KIRREL1: variants seen among roughly 807,000 people sequenced by gnomAD.
KIRREL1 encodes kirre like nephrin family adhesion molecule 1.
KIRREL1 carries 25 observed loss-of-function variants against 83.3 expected under a neutral mutation model. The observed-to-expected ratio is 0.30, with a 90% CI of 0.22 to 0.42. The LOEUF is 0.42. KIRREL1 is among the 10% of genes least tolerant of loss of function. The pLI is 1.00. For synonymous variants in KIRREL1, 388 were observed against 410.4 expected, an observed-to-expected ratio of 0.95 and a Z score of 0.66; for missense variants, 812 against 1,032.3, an observed-to-expected ratio of 0.79 and a Z score of 2.92.
Position 158,089,818 on chromosome 1 carries a change from A to G in KIRREL1, c.1272A>G (p.Ile424Met). ...GGAGCACACCACCCCCAGACCGCATAGTGAGTGGCGGACCTGCCTGCGGAC... is the reference window on the plus strand; with the variant it reads ...GGAGCACACCACCCCCAGACCGCATGGTGAGTGGCGGACCTGCCTGCGGAC... ...FIGSTPPPDRIAWAWKENFLE... is the reference protein window; with the variant it reads ...FIGSTPPPDRMAWAWKENFLE... Residue 424 changes from isoleucine to methionine, a missense_variant and splice_region_variant, in exon 10 of 15, where the codon ATA (isoleucine) becomes ATG (methionine). By Grantham distance (10) the Ile-to-Met change is conservative. Transcript: ENST00000359209. 6 of 1,613,826 alleles carry G rather than the reference A, an allele frequency of 3.7e-6. No homozygotes were observed. Among genetic ancestry groups the G allele is most frequent in the Non-Finnish European group, 4.2e-6 (5 of 1,179,810 alleles).
In KIRREL1 at chr1:158,084,455, CTG is replaced by C; in HGVS notation, c.389_390del (p.Val130AspfsTer58). On this transcript the variant is annotated frameshift_variant, in exon 4 of 15. Transcript: ENST00000359209. LOFTEE classifies it high-confidence loss of function. ...GAGGACACCAGGATTGACGGAGGCC[CTG>C]TGATTCTACTGCAGGCAGGCACCCC... is the stretch of plus-strand genomic sequence containing the variant. 1 of 1,551,826 alleles carries C rather than the reference CTG, an allele frequency of 6.4e-7. No individual in the cohort carries two copies. Among genetic ancestry groups the C allele is most frequent in the Non-Finnish European group, 8.7e-7 (1 of 1,147,014 alleles).
chr1:158,040,528 ACT>A (rs1410123638), intron 1 of KIRREL1, among the ~76,000 whole-genome samples: 1 of 152,240 alleles, frequency 6.6e-6, no homozygotes, highest in Non-Finnish European at 1.5e-5. Flanking sequence ...CATAGTCAGC[ACT>A]CTATAAATAT....
rs1041804544 is a variant in KIRREL1 at position 158,096,076 on chromosome 1, C to T, written c.*956C>T. The T allele has an allele frequency of 1.3e-5, 2 of 154,468 alleles. No individual in the cohort carries two copies. The highest frequency in any genetic ancestry group is 4.8e-5 in the African/African-American group (2 of 41,448). 9.6% of individuals were successfully genotyped at this position (154,468 alleles called of 1,614,324 possible). A position where few individuals can be genotyped will look rare whatever the true frequency, so the allele number is the denominator to read the frequency against. ...AGAAAACAAAAAACAATGAAAACCTCATTTGGGAAGAAAAGCTGTAGGGAT... is the reference window on the plus strand; with the variant it reads ...AGAAAACAAAAAACAATGAAAACCTTATTTGGGAAGAAAAGCTGTAGGGAT... On this transcript the variant is annotated 3_prime_UTR_variant, in exon 15 of 15. Transcript: ENST00000359209.
intron 1 of KIRREL1, among the ~76,000 whole-genome samples, chr1:158,054,594 C>A (rs1661001519): frequency 6.6e-6 from 1 of 152,120 alleles, no homozygotes; most frequent in South Asian, 2.1e-4. Flanking sequence ...TTCTGTCCAA[C>A]CATTCACTTT....
At chr1:158,059,901 T>C (rs1661164302) in intron 1 of KIRREL1, among the ~76,000 whole-genome samples, 1 of 152,132 alleles carries the variant, frequency 6.6e-6, no homozygotes, top group Non-Finnish European at 1.5e-5. Flanking sequence ...TAGGTATGGA[T>C]TGGAATTAGT....
chr1:158,017,444 C>A (rs1335476145), intron 1 of KIRREL1, among the ~76,000 whole-genome samples: 1 of 152,008 alleles, frequency 6.6e-6, no homozygotes, highest in Non-Finnish European at 1.5e-5. Flanking sequence ...TTAATCCCAG[C>A]ACTTTGGGAA....
At chr1:158,043,807 G>A (rs903505394) in intron 1 of KIRREL1, among the ~76,000 whole-genome samples, 6 of 152,180 alleles carry the variant, frequency 3.9e-5, no homozygotes, top group Non-Finnish European at 8.8e-5. Context: ...GCAGGGAGCC[G>A]TGAACAGCAG....
intron 1 of KIRREL1, among the ~76,000 whole-genome samples, chr1:158,016,704 C>T (rs956846134): frequency 3.3e-5 from 5 of 152,214 alleles, no homozygotes; most frequent in African/African-American, 1.2e-4. Flanking sequence ...AGGGAATCAG[C>T]CTGCCTGGGA....
intron 1 of KIRREL1, among the ~76,000 whole-genome samples, chr1:158,003,361 C>T (rs1197587748): frequency 6.6e-6 from 1 of 152,180 alleles, no homozygotes; most frequent in Non-Finnish European, 1.5e-5. Flanking sequence ...TTGAAGTTTT[C>T]ATCTCTACTC....
chr1:157,996,016 A>G (rs2101613250), intron 1 of KIRREL1, among the ~76,000 whole-genome samples: 1 of 143,286 alleles, frequency 7.0e-6, no homozygotes, highest in Middle Eastern at 3.6e-3. Context: ...TAGGTCAGGG[A>G]CTGGGGCAGT....
At chr1:158,058,717 G>C (rs1049464711) in intron 1 of KIRREL1, among the ~76,000 whole-genome samples, 16 of 152,156 alleles carry the variant, frequency 1.1e-4, no homozygotes, top group African/African-American at 3.9e-4. Context: ...CTTGGTTAGG[G>C]AGACATCTCT....
intron 1 of KIRREL1, among the ~76,000 whole-genome samples, chr1:158,029,690 G>A (rs1009941777): frequency 2.0e-5 from 3 of 152,180 alleles, no homozygotes; most frequent in Non-Finnish European, 2.9e-5. Flanking sequence ...TGAAATCAGA[G>A]AGATACGAAC....
At chr1:158,092,975 A>G (rs964011602) in intron 11 of KIRREL1, among the ~76,000 whole-genome samples, 3 of 152,104 alleles carry the variant, frequency 2.0e-5, no homozygotes, top group African/African-American at 7.2e-5. Context: ...GAGAGTTTGG[A>G]GACAGCTGAC....
At chr1:158,009,644 T>C (rs1355438051) in intron 1 of KIRREL1, among the ~76,000 whole-genome samples, 1 of 152,230 alleles carries the variant, frequency 6.6e-6, no homozygotes, top group Non-Finnish European at 1.5e-5. Flanking sequence ...GGGTGTGCTA[T>C]TGAGAAAAGT....
intron 1 of KIRREL1, among the ~76,000 whole-genome samples, chr1:158,023,193 G>A (rs1417406217): frequency 2.0e-5 from 3 of 152,206 alleles, no homozygotes; most frequent in Admixed American, 2.0e-4. Flanking sequence ...GGGAGTGGTG[G>A]GGAGTGGCAG....
rs771052077 is a variant in KIRREL1 at position 158,076,169 on chromosome 1, C to T, written c.109C>T (p.Arg37Trp). 2.3e-5 allele frequency: 37 copies of T among 1,614,004 alleles called. 1 individual carries two copies. The highest frequency in any genetic ancestry group is 1.8e-4 in the South Asian group (16 of 91,084). Residue 37 changes from arginine (R) to tryptophan (W), a missense_variant, in exon 2 of 15, where the codon CGG (arginine) becomes TGG (tryptophan). Arg to Trp is a moderately radical substitution (Grantham distance 101). Transcript: ENST00000359209. Reference protein sequence around the residue: ...PADQTVVAGQRAVLPCVLLNY... With the variant: ...PADQTVVAGQWAVLPCVLLNY... ...TGACCAGACGGTGGTGGCTGGACAG[C>T]GGGCCGTGCTCCCCTGTGTGCTGCT... is the stretch of plus-strand genomic sequence containing the variant.
At chr1:158,009,497 T>G (rs1659609653) in intron 1 of KIRREL1, among the ~76,000 whole-genome samples, 1 of 152,216 alleles carries the variant, frequency 6.6e-6, no homozygotes, top group Non-Finnish European at 1.5e-5. Context: ...CCACCATACA[T>G]GAAAGCACCT....
chr1:158,027,886 T>C (rs16839617), intron 1 of KIRREL1, among the ~76,000 whole-genome samples: 9,171 of 152,222 alleles, frequency 0.06, 351 homozygotes, highest in South Asian at 0.2. Flanking sequence ...TGGAAAAGGA[T>C]TGACCTTCAG....
chr1:158,021,117 A>T (rs549876465), intron 1 of KIRREL1, among the ~76,000 whole-genome samples: 5 of 152,288 alleles, frequency 3.3e-5, no homozygotes, highest in African/African-American at 9.6e-5. Context: ...TTGAGGAAGT[A>T]TCTCGACCAA....
Sources: allele counts gnomAD v4.1 joint callset (sites outside exome capture counted in the v4.1 genomes callset), GRCh38; gene constraint gnomAD v4.1.1; transcripts MANE v1.5; gene names NCBI Gene and HGNC (gene_info 2026-07-23, HGNC 2026-07-21).